CLNK: variants seen among roughly 807,000 people sequenced by gnomAD.
CLNK encodes cytokine dependent hematopoietic cell linker.
Under a neutral mutation model 68.6 loss-of-function variants are expected in CLNK, and 74 were observed. The observed-to-expected ratio is 1.08, with a 90% CI of 0.89 to 1.31. The LOEUF is 1.31. CLNK is among the 50% of genes most tolerant of loss of function. The probability of loss-of-function intolerance (pLI) is 0.00; values close to 1 mark genes in which losing one functional copy is unlikely to be tolerated. For synonymous variants in CLNK, 198 were observed against 172.2 expected (o/e 1.15, Z -1.17); for missense variants, 553 against 515.3 (o/e 1.07, Z -0.71).
rs1291246105 is a variant in CLNK, at chr4:10,489,380, T to C, written c.*1087A>G. Reference sequence around the variant, plus strand: ...GAATGGAAGTCCATAATTGGAATTGTTAATACAATTTTTAGTTTCCCTCAG... The same window carrying C: ...GAATGGAAGTCCATAATTGGAATTGCTAATACAATTTTTAGTTTCCCTCAG... On this transcript the variant is annotated 3_prime_UTR_variant, in exon 19 of 19. Coordinates refer to ENST00000226951, the MANE Select transcript of CLNK (RefSeq NM_052964.4). 3 of 152,222 alleles carry C rather than the reference T, an allele frequency of 2.0e-5. No individual in the cohort carries two copies. The highest frequency in any genetic ancestry group is 4.4e-5 in the Non-Finnish European group (3 of 68,040). The allele number at this position is 152,222 out of a possible 1,614,324, so 9.4% of individuals were successfully genotyped here.
intron 4 of CLNK, among the ~76,000 whole-genome samples, chr4:10,577,227 G>C (rs1364547947): frequency 6.6e-6 from 1 of 152,218 alleles, no homozygotes; most frequent in East Asian, 1.9e-4. Flanking sequence ...TTTCATTTCA[G>C]TTTCAAGAGA....
chr4:10,626,023 T>C (rs1722656340), intron 2 of CLNK, among the ~76,000 whole-genome samples: 1 of 152,232 alleles, frequency 6.6e-6, no homozygotes, highest in African/African-American at 2.4e-5. Context: ...CTTTAAGGTG[T>C]AGAGGCTGAA....
intron 2 of CLNK, among the ~76,000 whole-genome samples, chr4:10,611,673 A>G (rs1297754036): frequency 6.6e-6 from 1 of 152,044 alleles, no homozygotes; most frequent in Non-Finnish European, 1.5e-5. Flanking sequence ...AGAAGGGAAA[A>G]CAAGGTAGGG....
intron 2 of CLNK, among the ~76,000 whole-genome samples, chr4:10,631,837 G>A (rs1473986946): frequency 6.6e-6 from 1 of 152,192 alleles, no homozygotes; most frequent in African/African-American, 2.4e-5. Context: ...ACAGGCAAAA[G>A]GATTTTCTCA....
At chr4:10,675,715 G>A (rs1724844039) in intron 1 of CLNK, among the ~76,000 whole-genome samples, 1 of 151,930 alleles carries the variant, frequency 6.6e-6, no homozygotes, top group South Asian at 2.1e-4. Context: ...CTTAGGAAAT[G>A]TCATTCTAAT....
At chr4:10,585,018 CATAGGA>C in intron 3 of CLNK, 63 bp from the exon 4 acceptor site, 2 of 1,565,926 alleles carry the variant, frequency 1.3e-6, no homozygotes. Context: ...CCCCCCGCCA[CATAGGA>C]ACAGGCAGTC....
intron 2 of CLNK, among the ~76,000 whole-genome samples, chr4:10,663,874 G>A (rs887547507): frequency 6.6e-6 from 1 of 152,170 alleles, no homozygotes; most frequent in Non-Finnish European, 1.5e-5. Context: ...TTATAAAAGA[G>A]GTCCCAGAGA....
chr4:10,527,200 C>T (rs1718355637), intron 13 of CLNK, among the ~76,000 whole-genome samples: 1 of 152,148 alleles, frequency 6.6e-6, no homozygotes, highest in South Asian at 2.1e-4. Context: ...AGTACCTGAA[C>T]ATTTTAGTTA....
At chr4:10,651,639 T>A (rs1230894885) in intron 2 of CLNK, among the ~76,000 whole-genome samples, 1 of 152,008 alleles carries the variant, frequency 6.6e-6, no homozygotes, top group African/African-American at 2.4e-5. Flanking sequence ...AGACAAAGAG[T>A]ATGCTAACTA....
intron 2 of CLNK, among the ~76,000 whole-genome samples, chr4:10,642,899 A>G (rs890511014): frequency 1.3e-5 from 2 of 152,240 alleles, no homozygotes; most frequent in African/African-American, 2.4e-5. Context: ...CTTCAAAGCC[A>G]TAAGTCGCCA....
chr4:10,592,764 C>T (rs1432836608), intron 3 of CLNK, among the ~76,000 whole-genome samples: 2 of 151,990 alleles, frequency 1.3e-5, no homozygotes, highest in African/African-American at 2.4e-5. Context: ...CTCACTCTGT[C>T]GCCCAGGTTG....
chr4:10,712,542 T>C, the CLNK span, among the ~76,000 whole-genome samples: 10 of 152,304 alleles, frequency 6.6e-5, no homozygotes, highest in South Asian at 1.9e-3. Context: ...CCCTCCATGC[T>C]TGGGGACTAA....
chr4:10,642,951 T>C (rs1577191718), intron 2 of CLNK, among the ~76,000 whole-genome samples: 1 of 152,234 alleles, frequency 6.6e-6, no homozygotes, highest in Admixed American at 6.5e-5. Context: ...TAAATCTGTA[T>C]TGATGGATGA....
the CLNK span, among the ~76,000 whole-genome samples, chr4:10,718,731 A>G: frequency 6.6e-6 from 1 of 152,154 alleles, no homozygotes; most frequent in Non-Finnish European, 1.5e-5. Flanking sequence ...AGAAAGAAAT[A>G]ACACAGTAAG....
intron 4 of CLNK, among the ~76,000 whole-genome samples, chr4:10,580,883 T>A (rs1374429525): frequency 6.6e-6 from 1 of 152,130 alleles, no homozygotes; most frequent in African/African-American, 2.4e-5. Flanking sequence ...AGCCTAAGTG[T>A]AGAGATTCTA....
chr4:10,726,760 C>T, the CLNK span, among the ~76,000 whole-genome samples: 1 of 152,172 alleles, frequency 6.6e-6, no homozygotes, highest in Non-Finnish European at 1.5e-5. Context: ...ACATGCCCCT[C>T]CACCTCCACC....
chr4:10,662,678 T>G (rs1018177066), intron 2 of CLNK, among the ~76,000 whole-genome samples: 2 of 152,182 alleles, frequency 1.3e-5, no homozygotes, highest in African/African-American at 4.8e-5. Context: ...TGTTATTAAA[T>G]GAATGACTTA....
At chr4:10,699,268 C>CACACACACACCATGTATGTGTGTAT in the CLNK span, among the ~76,000 whole-genome samples, 1 of 32,380 alleles carries the variant, frequency 3.1e-5, no homozygotes, top group African/African-American at 8.3e-5. Context: ...TGTGTATACA[C>CACACACACACCATGTATGTGTGTAT]ACACACACAC....
chr4:10,625,917 A>G (rs1436177427), intron 2 of CLNK, among the ~76,000 whole-genome samples: 1 of 152,254 alleles, frequency 6.6e-6, no homozygotes, highest in East Asian at 1.9e-4. Context: ...AAGGAAGCCA[A>G]TGTGTTATGA....
Sources: gnomAD v4.1 joint callset for allele counts (sites outside exome capture counted in the v4.1 genomes callset) on GRCh38, gnomAD v4.1.1 for gene constraint, MANE v1.5 for transcripts, NCBI Gene and HGNC (gene_info 2026-07-23, HGNC 2026-07-21) for gene names.